FSTL1: variants seen among roughly 807,000 people sequenced by gnomAD.
FSTL1 encodes follistatin like 1.
FSTL1 carries 24 observed loss-of-function variants against 45.9 expected under a neutral mutation model. That is an observed-to-expected ratio of 0.52 (90% confidence interval 0.38 to 0.74). The LOEUF (loss-of-function observed/expected upper bound fraction) is 0.74, where lower values mean the gene tolerates loss of function less well. FSTL1 is among the 30% of genes least tolerant of loss of function. The pLI, the probability that FSTL1 is intolerant of heterozygous loss-of-function variation, is 0.00. For synonymous variants in FSTL1, 120 were observed against 137.6 expected (o/e 0.87, Z 0.89); for missense variants, 340 against 381.8 (o/e 0.89, Z 0.91).
chr3:120,396,448 G>A lies in FSTL1; in HGVS notation c.*504C>T, dbSNP rs1343538102. 1 of 155,038 alleles carries A rather than the reference G, an allele frequency of 6.5e-6. No homozygotes were observed. Among genetic ancestry groups the A allele is most frequent in the Non-Finnish European group, 1.4e-5 (1 of 69,796 alleles). 9.6% of individuals were successfully genotyped at this position (155,038 alleles called of 1,614,324 possible). On this transcript the variant is annotated 3_prime_UTR_variant, in exon 11 of 11. Coordinates refer to ENST00000295633, the MANE Select transcript of FSTL1 (RefSeq NM_007085.5). ...CTGGGTTAACTAGCAGTATGGCTAT[G>A]TATCTAGAGGCAGTTATTGGGACCA... is the stretch of plus-strand genomic sequence containing the variant.
chr3:120,426,473 T>A (rs1251780681), intron 2 of FSTL1, among the ~76,000 whole-genome samples: 2 of 152,178 alleles, frequency 1.3e-5, no homozygotes, highest in African/African-American at 2.4e-5. Context: ...CTAAGAGGTA[T>A]CTAGTTCTCC....
At position 120,410,874 on chromosome 3, in the gene FSTL1, G is replaced by T. The variant is rs547691094; in HGVS notation, c.331+78C>A. 67 of 1,111,196 alleles carry T rather than the reference G, an allele frequency of 6.0e-5. No homozygotes were observed. The African/African-American group carries it at 9.8e-4, about 16-fold the overall frequency. The allele number at this position is 1,111,196 out of a possible 1,614,324, so 68.8% of individuals were successfully genotyped here. ...TAGAAGATCTTATGAGCTTGGCAGG[G>T]ATTGTGGAACACAAAATTTCTATCA... is the stretch of plus-strand genomic sequence containing the variant. On this transcript the variant is annotated intron_variant, in intron 5 of 10. Transcript: ENST00000295633.
chr3:120,402,661 C>G, intron 9 of FSTL1, 147 bp downstream of exon 9: 1 of 624,454 alleles, frequency 1.6e-6, no homozygotes, highest in South Asian at 1.9e-5. Flanking sequence ...CCACTTGGGG[C>G]TCCAACCTTA....
chr3:120,399,618 A>G (rs1189287775), intron 10 of FSTL1, among the ~76,000 whole-genome samples: 1 of 152,048 alleles, frequency 6.6e-6, no homozygotes, highest in Admixed American at 6.6e-5. Context: ...TCATTTGCAA[A>G]TCACCACCTG....
intron 2 of FSTL1, among the ~76,000 whole-genome samples, chr3:120,427,691 T>C (rs922988534): frequency 3.9e-5 from 6 of 152,238 alleles, no homozygotes; most frequent in Non-Finnish European, 7.3e-5. Flanking sequence ...TGTGTGTGCA[T>C]GCATATGTGT....
chr3:120,419,857 G>A (rs1047228599), intron 2 of FSTL1, among the ~76,000 whole-genome samples: 2 of 152,336 alleles, frequency 1.3e-5, no homozygotes, highest in Admixed American at 1.3e-4. Flanking sequence ...CAGGGCCAAT[G>A]TTAATTTTAG....
Position 120,395,315 on chromosome 3 carries a change from A to G in FSTL1, c.*1637T>C, listed in dbSNP as rs926947905. On this transcript the variant is annotated 3_prime_UTR_variant, in exon 11 of 11. Transcript: ENST00000295633. ...TTGGTATTCCAAATGCATCTGAAAC[A>G]GGGTAGTGAGTGGGGTTAATAATCA... 1 of 218,502 alleles carries G rather than the reference A, an allele frequency of 4.6e-6. No individual in the cohort carries two copies. The highest frequency in any genetic ancestry group is 9.0e-6 in the Non-Finnish European group (1 of 111,074). The allele number at this position is 218,502 out of a possible 1,614,324, so 13.5% of individuals were successfully genotyped here. A position where few individuals can be genotyped will look rare whatever the true frequency, so the allele number is the denominator to read the frequency against.
chr3:120,422,025 T>C (rs376042074), intron 2 of FSTL1, among the ~76,000 whole-genome samples: 24 of 152,362 alleles, frequency 1.6e-4, no homozygotes, highest in African/African-American at 5.5e-4. Context: ...ACAAAATCTT[T>C]CCAATAATGG....
chr3:120,412,838 G>GCGCGCGCACACACACA (rs1429168694), intron 3 of FSTL1, among the ~76,000 whole-genome samples: 1 of 106,130 alleles, frequency 9.4e-6, no homozygotes, highest in East Asian at 3.0e-4. Flanking sequence ...GCGCGCGCGC[G>GCGCGCGCACACACACA]CACACACACA....
At chr3:120,407,833 G>T (rs1386340767) in intron 6 of FSTL1, among the ~76,000 whole-genome samples, 1 of 152,238 alleles carries the variant, frequency 6.6e-6, no homozygotes, top group Non-Finnish European at 1.5e-5. Context: ...CTGGTTGTGA[G>T]AATGTCCTAG....
chr3:120,450,990 A>G lies in FSTL1; in HGVS notation c.-94T>C. On this transcript the variant is annotated 5_prime_UTR_variant, in exon 1 of 11. Coordinates refer to ENST00000295633, the MANE Select transcript of FSTL1 (RefSeq NM_007085.5). The stretch of plus-strand genomic sequence containing the variant: ...GAGCTCCGCCGATCGCCAGCCTCGG[A>G]GGAAATGCGACCTCCCCTCGCCGCC... 4.4e-6 allele frequency: 2 copies of G among 458,870 alleles called. No homozygotes were observed. Among genetic ancestry groups the G allele is most frequent in the Admixed American group, 4.4e-5 (1 of 22,914 alleles). 28.4% of individuals were successfully genotyped at this position (458,870 alleles called of 1,614,324 possible).
chr3:120,407,728 A>G (rs1157452357), intron 6 of FSTL1, among the ~76,000 whole-genome samples: 1 of 152,214 alleles, frequency 6.6e-6, no homozygotes, highest in African/African-American at 2.4e-5. Context: ...CAAAAAGTAG[A>G]AAATGAAACC....
chr3:120,396,967 G>C lies in FSTL1; in HGVS notation c.912C>G (p.Ser304Arg). The C allele has an allele frequency of 6.2e-7, 1 of 1,611,682 alleles. No individual in the cohort carries two copies. The highest frequency in any genetic ancestry group is 1.3e-5 in the African/African-American group (1 of 74,974). The change falls in exon 11 of 11, where the codon AGC becomes AGG. Residue 304 changes from serine (S) to arginine (R), a missense_variant. By Grantham distance (110) the Ser-to-Arg change is moderately radical. Transcript: ENST00000295633. ...TGCCTCCTCATTAGATCTCTTTGGTGCTCACTCTCTTGGTCTTTTCAGCTG... is the reference window on the plus strand; with the variant it reads ...TGCCTCCTCATTAGATCTCTTTGGTCCTCACTCTCTTGGTCTTTTCAGCTG... ...QETAEKTKRV[S>R]TKEI
At chr3:120,413,188 A>G (rs1179063228) in intron 3 of FSTL1, among the ~76,000 whole-genome samples, 1 of 152,234 alleles carries the variant, frequency 6.6e-6, no homozygotes, top group African/African-American at 2.4e-5. Context: ...AGGAACTGAA[A>G]CAAGAAAGAG....
intron 3 of FSTL1, among the ~76,000 whole-genome samples, chr3:120,412,501 G>A (rs1211424376): frequency 2.0e-5 from 3 of 152,170 alleles, no homozygotes; most frequent in Non-Finnish European, 2.9e-5. Context: ...CATCAAATCT[G>A]CTTGCACCTC....
chr3:120,406,138 G>A (rs932081823), intron 6 of FSTL1, among the ~76,000 whole-genome samples: 2 of 152,020 alleles, frequency 1.3e-5, no homozygotes, highest in Non-Finnish European at 2.9e-5. Flanking sequence ...ACAACTATTA[G>A]GCCTTTGCTT....
intron 6 of FSTL1, among the ~76,000 whole-genome samples, chr3:120,408,069 C>T (rs1332680828): frequency 2.0e-5 from 3 of 152,200 alleles, no homozygotes; most frequent in Non-Finnish European, 2.9e-5. Context: ...TGTCCTGGGC[C>T]CCACACCTCC....
chr3:120,447,044 G>T (rs1001236164), intron 2 of FSTL1, among the ~76,000 whole-genome samples: 10 of 152,144 alleles, frequency 6.6e-5, no homozygotes, highest in Non-Finnish European at 4.4e-5. Flanking sequence ...GGAGAGTGGG[G>T]GTATGCTTGG....
At position 120,449,795 on chromosome 3, in the gene FSTL1, G is replaced by A. The variant is rs1449090573; in HGVS notation, c.63+889C>T. On this transcript the variant is annotated intron_variant, in intron 2 of 10. Transcript: ENST00000295633. ...CACCCACCAGGGAGCTATTTCTTTTGTAATGTGCATTCCATTTCTTCTCCC... is the reference window on the plus strand; with the variant it reads ...CACCCACCAGGGAGCTATTTCTTTTATAATGTGCATTCCATTTCTTCTCCC... Among the ~76,000 whole-genome samples, 5 of 152,248 alleles carry A rather than the reference G, an allele frequency of 3.3e-5. No individual in the cohort carries two copies. The East Asian group carries it at 5.8e-4, about 18-fold the overall frequency.
Sources: allele counts gnomAD v4.1 joint callset (sites outside exome capture counted in the v4.1 genomes callset), GRCh38; gene constraint gnomAD v4.1.1; transcripts MANE v1.5; gene names NCBI Gene and HGNC (gene_info 2026-07-23, HGNC 2026-07-21).